Variants in RIT2 observed in about 807,000 individuals in gnomAD.
RIT2 encodes the protein Ras like without CAAX 2, also known as GTP-binding protein Rit2.
In RIT2, 24 loss-of-function variants were observed where a neutral mutation model predicts 23.7. The observed-to-expected ratio is 1.01, with a 90% confidence interval of 0.73 to 1.43. The LOEUF is 1.43. RIT2 is among the 40% of genes most tolerant of loss of function. The pLI, the probability that RIT2 is intolerant of heterozygous loss-of-function variation, is 0.00. For synonymous variants in RIT2, 107 were observed against 91.1 expected (o/e 1.17, Z -0.99); for missense variants, 236 against 266.9 (o/e 0.88, Z 0.81).
At chr18:42,821,255 T>A (rs775786971) in intron 4 of RIT2, among the ~76,000 whole-genome samples, 10 of 152,044 alleles carry the variant, frequency 6.6e-5, no homozygotes, top group Non-Finnish European at 1.5e-4. Context: ...AGACCCTGTA[T>A]AACAAAGAGG....
intron 4 of RIT2, among the ~76,000 whole-genome samples, chr18:42,861,011 A>T (rs1378684797): frequency 6.6e-6 from 1 of 152,214 alleles, no homozygotes; most frequent in African/African-American, 2.4e-5. Context: ...TACATTGTAC[A>T]CAAATGTATG....
intron 4 of RIT2, among the ~76,000 whole-genome samples, chr18:42,868,215 C>G (rs1183248485): frequency 6.6e-6 from 1 of 152,202 alleles, no homozygotes; most frequent in Non-Finnish European, 1.5e-5. Context: ...CCTGTGAATT[C>G]ATGCACATTG....
At chr18:42,988,521 C>A (rs1420522959) in intron 2 of RIT2, among the ~76,000 whole-genome samples, 1 of 151,670 alleles carries the variant, frequency 6.6e-6, no homozygotes, top group Non-Finnish European at 1.5e-5. Flanking sequence ...CCTTTCCGTT[C>A]AAAACATCTT....
chr18:43,076,414 G>A (rs1307145399), intron 1 of RIT2, among the ~76,000 whole-genome samples: 1 of 151,952 alleles, frequency 6.6e-6, no homozygotes, highest in Non-Finnish European at 1.5e-5. Flanking sequence ...GGATACAGCT[G>A]CAGTGAACAG....
At chr18:43,054,127 C>T (rs1487497015) in intron 1 of RIT2, among the ~76,000 whole-genome samples, 2 of 152,040 alleles carry the variant, frequency 1.3e-5, no homozygotes, top group Non-Finnish European at 2.9e-5. Context: ...TTGTCCCCAT[C>T]TCCAAATTTG....
intron 4 of RIT2, among the ~76,000 whole-genome samples, chr18:42,798,105 G>A (rs1301962026): frequency 6.6e-6 from 1 of 152,084 alleles, no homozygotes. Context: ...GATCTTTTAA[G>A]CCATTATCCC....
At chr18:43,000,327 GA>G (rs1213375332) in intron 2 of RIT2, among the ~76,000 whole-genome samples, 1 of 152,026 alleles carries the variant, frequency 6.6e-6, no homozygotes, top group Admixed American at 6.6e-5. Flanking sequence ...TAAAAACCAA[GA>G]AAGATAATGA....
At chr18:42,991,973 C>T (rs1910861925) in intron 2 of RIT2, among the ~76,000 whole-genome samples, 1 of 152,052 alleles carries the variant, frequency 6.6e-6, no homozygotes, top group Non-Finnish European at 1.5e-5. Context: ...GGTAAGAACC[C>T]CCATCCCTTA....
chr18:43,027,694 A>G (rs1911765104), intron 2 of RIT2, among the ~76,000 whole-genome samples: 1 of 152,078 alleles, frequency 6.6e-6, no homozygotes, highest in Non-Finnish European at 1.5e-5. Context: ...TGAGTAGTCT[A>G]CGACCTGGAT....
chr18:43,111,060 A>G (rs1913940556), intron 1 of RIT2, among the ~76,000 whole-genome samples: 1 of 152,142 alleles, frequency 6.6e-6, no homozygotes, highest in Middle Eastern at 3.2e-3. Context: ...GTGTCCATCA[A>G]CAGAAGAATG....
At chr18:43,093,414 C>A (rs1327336556) in intron 1 of RIT2, among the ~76,000 whole-genome samples, 1 of 152,034 alleles carries the variant, frequency 6.6e-6, no homozygotes, top group Non-Finnish European at 1.5e-5. Context: ...ACACTTACTT[C>A]AGCTACATTT....
chr18:43,091,792 T>C (rs1913429115), intron 1 of RIT2, among the ~76,000 whole-genome samples: 1 of 152,098 alleles, frequency 6.6e-6, no homozygotes, highest in African/African-American at 2.4e-5. Flanking sequence ...GTCTCTTCTC[T>C]GCCTGCAATA....
intron 4 of RIT2, among the ~76,000 whole-genome samples, chr18:42,832,831 T>G (rs1167659045): frequency 6.6e-6 from 1 of 152,140 alleles, no homozygotes; most frequent in Non-Finnish European, 1.5e-5. Flanking sequence ...GGTGGGCAGA[T>G]CATTTGAGGT....
At chr18:43,101,816 C>T (rs921400540) in intron 1 of RIT2, among the ~76,000 whole-genome samples, 2 of 152,020 alleles carry the variant, frequency 1.3e-5, no homozygotes, top group Non-Finnish European at 2.9e-5. Flanking sequence ...ATATTAAAGG[C>T]TTTTGTGGGG....
chr18:43,078,111 A>C (rs527555001), intron 1 of RIT2, among the ~76,000 whole-genome samples: 84 of 152,306 alleles, frequency 5.5e-4, no homozygotes, highest in Admixed American at 7.8e-4. Context: ...CATATTGCAA[A>C]CCATGGACAG....
chr18:43,042,415 C>T (rs988323060), intron 1 of RIT2, among the ~76,000 whole-genome samples: 1 of 152,152 alleles, frequency 6.6e-6, no homozygotes, highest in Non-Finnish European at 1.5e-5. Flanking sequence ...GTCACATTGG[C>T]CTTCAGAGTT....
intron 4 of RIT2, among the ~76,000 whole-genome samples, chr18:42,832,882 G>A (rs528147649): frequency 1.9e-4 from 29 of 151,586 alleles, no homozygotes; most frequent in African/African-American, 5.3e-4. Flanking sequence ...GCGAAACCCC[G>A]TCTCTATTAA....
chr18:42,920,985 A>G (rs752856917), intron 4 of RIT2, among the ~76,000 whole-genome samples: 1 of 151,934 alleles, frequency 6.6e-6, no homozygotes, highest in Non-Finnish European at 1.5e-5. Flanking sequence ...AACCTTTCAG[A>G]TACTGATGAA....
At chr18:43,051,583 C>T (rs1029990466) in intron 1 of RIT2, among the ~76,000 whole-genome samples, 1 of 151,870 alleles carries the variant, frequency 6.6e-6, no homozygotes, top group Admixed American at 6.6e-5. Flanking sequence ...GGGAGATGAT[C>T]CCTCAAATCT....
Sources: allele counts gnomAD v4.1 joint callset (sites outside exome capture counted in the v4.1 genomes callset), GRCh38; gene constraint gnomAD v4.1.1; transcripts MANE v1.5; gene names NCBI Gene and HGNC (gene_info 2026-07-23, HGNC 2026-07-21).